The following IKZF3 variants were observed in gnomAD, a reference collection of about 807,000 sequenced individuals.
IKZF3 encodes the protein IKAROS family zinc finger 3.
In IKZF3, 10 loss-of-function variants were observed where a neutral mutation model predicts 49.0. That is an observed-to-expected ratio of 0.20 (90% CI 0.13 to 0.35). The LOEUF (loss-of-function observed/expected upper bound fraction) is 0.35. Ranked by LOEUF, IKZF3 falls within the 10% of genes least tolerant of loss-of-function variation. The pLI is 1.00. For missense variants in IKZF3, 498 were observed against 664.8 expected, an observed-to-expected ratio of 0.75 and a Z score of 2.76; for synonymous variants, 209 against 228.2, an observed-to-expected ratio of 0.92 and a Z score of 0.76.
intron 1 of IKZF3, among the ~76,000 whole-genome samples, chr17:39,852,131 C>T (rs2062894968): frequency 6.6e-6 from 1 of 152,130 alleles, no homozygotes; most frequent in South Asian, 2.1e-4. Context: ...TGGCATTTTT[C>T]TCTCAATAAA....
In IKZF3 at chr17:39,805,229, A is replaced by T. The variant is rs2061407652; in HGVS notation, c.164-12296T>A. 2.0e-5 allele frequency among the ~76,000 whole-genome samples: 3 copies of T among 152,366 alleles called. No individual in the cohort carries two copies. In the South Asian group the frequency reaches 6.2e-4, roughly 32 times the overall value. On this transcript the variant is annotated intron_variant, in intron 3 of 7. Transcript: ENST00000346872. ...CAAACAAGGAAGTAAGGAAGGAAAGAAGATAAGAAGGAGGAAAGGAAAGCG... is the reference window on the plus strand; with the variant it reads ...CAAACAAGGAAGTAAGGAAGGAAAGTAGATAAGAAGGAGGAAAGGAAAGCG...
rs1249798497 is a variant in IKZF3, at chr17:39,784,430, A to G, written c.709+3828T>C. Among the ~76,000 whole-genome samples, 3 of 148,622 alleles carry G rather than the reference A, an allele frequency of 2.0e-5. No homozygotes were observed. The Admixed American group carries it at 2.0e-4, about 10-fold the overall frequency. ...GTGTCTTTTTTTTTTTTTGAGATGG[A>G]GTCTTGCTCTGTTGCCAGGCTAGAG... On this transcript the variant is annotated intron_variant, in intron 6 of 7. Coordinates refer to ENST00000346872, the MANE Select transcript of IKZF3 (RefSeq NM_012481.5).
rs188257915 is a variant in IKZF3 at position 39,779,474 on chromosome 17, A to T, written c.710-1707T>A. Among the ~76,000 whole-genome samples, 53 of 152,226 alleles carry T rather than the reference A, an allele frequency of 3.5e-4. 1 individual carries two copies. Among genetic ancestry groups the T allele is most frequent in the South Asian group, 1.0e-3 (5 of 4,816 alleles). On this transcript the variant is annotated intron_variant, in intron 6 of 7. Transcript: ENST00000346872. ...AAAACTCCATCTCCAAAAAATAAAT[A>T]AATTAATTAAATAAATTTCAAAGAG...
chr17:39,834,837 G>A (rs550718483), intron 1 of IKZF3, among the ~76,000 whole-genome samples: 1 of 152,222 alleles, frequency 6.6e-6, no homozygotes, highest in African/African-American at 2.4e-5. Flanking sequence ...CCATGGGTGG[G>A]CTGAGGGTTA....
intron 2 of IKZF3, among the ~76,000 whole-genome samples, chr17:39,831,350 G>A (rs899001450): frequency 6.6e-6 from 1 of 152,006 alleles, no homozygotes. Context: ...CTTCAGCCTG[G>A]GCAACAAGAG....
At chr17:39,842,160 G>A (rs2062495244) in intron 1 of IKZF3, among the ~76,000 whole-genome samples, 1 of 151,458 alleles carries the variant, frequency 6.6e-6, no homozygotes, top group African/African-American at 2.4e-5. Flanking sequence ...AACTACAATA[G>A]CGTCTAGATA....
chr17:39,856,615 G>A (rs1437898753), intron 1 of IKZF3, among the ~76,000 whole-genome samples: 2 of 152,036 alleles, frequency 1.3e-5, no homozygotes, highest in Non-Finnish European at 2.9e-5. Flanking sequence ...AGATCAGCCT[G>A]GCCAACATGG....
intron 5 of IKZF3, among the ~76,000 whole-genome samples, chr17:39,790,719 C>CT (rs35030093): frequency 0.093 from 14,069 of 151,944 alleles, 1,330 homozygotes; most frequent in African/African-American, 0.25. Flanking sequence ...CAGCACATAA[C>CT]TTTTACAAAT....
At chr17:39,858,251 G>A (rs566350935) in intron 1 of IKZF3, among the ~76,000 whole-genome samples, 9 of 152,008 alleles carry the variant, frequency 5.9e-5, no homozygotes, top group South Asian at 2.1e-4. Flanking sequence ...TTGTGCTCAC[G>A]AGTTCAAGAC....
At chr17:39,777,383 A>C (rs1325147995) in intron 7 of IKZF3, among the ~76,000 whole-genome samples, 1 of 152,250 alleles carries the variant, frequency 6.6e-6, no homozygotes, top group Non-Finnish European at 1.5e-5. Context: ...CAGAGTAAAG[A>C]GGAAGGAACA....
At chr17:39,774,228 C>T (rs1343863030) in intron 7 of IKZF3, among the ~76,000 whole-genome samples, 1 of 152,142 alleles carries the variant, frequency 6.6e-6, no homozygotes, top group East Asian at 1.9e-4. Context: ...GGTCTGAGTG[C>T]TGTGCAACTG....
intron 1 of IKZF3, among the ~76,000 whole-genome samples, chr17:39,863,754 A>G (rs1017587847): frequency 6.6e-6 from 1 of 152,034 alleles, no homozygotes; most frequent in Non-Finnish European, 1.5e-5. Context: ...TCTAATTCCA[A>G]TAAACACTGA....
chr17:39,775,365 C>A (rs988484810), intron 7 of IKZF3, among the ~76,000 whole-genome samples: 1 of 152,116 alleles, frequency 6.6e-6, no homozygotes, highest in Non-Finnish European at 1.5e-5. Flanking sequence ...GCATCTCTCA[C>A]AAGTCTGGAA....
At chr17:39,850,791 CTAATATGCTATATAGTATATATACATATA>C (rs2062837378) in intron 1 of IKZF3, among the ~76,000 whole-genome samples, 7 of 112,638 alleles carry the variant, frequency 6.2e-5, no homozygotes, top group African/African-American at 1.8e-4. Flanking sequence ...ATATACATAT[CTAATATGCTATATAGTATATATACATATA>C]TAATATGCTA....
chr17:39,766,270 C>T lies in IKZF3; in HGVS notation c.1050G>A (p.Glu350=). The change falls in exon 8 of 8, where the codon GAG becomes GAA. Residue 350 remains glutamate (E), a synonymous_variant. Transcript: ENST00000346872. ...GCTCTTGAGGGGCACCGTTTGACAT[C>T]TCAGCCCGGGTGAGGGCTATGGGAT... ...SMYPIALTRA[E]MSNGAPQELE... 6.2e-7 allele frequency: 1 copy of T among 1,614,234 alleles called. No homozygotes were observed. Among genetic ancestry groups the T allele is most frequent in the African/African-American group, 1.3e-5 (1 of 75,054 alleles).
At chr17:39,798,154 C>T (rs889119021) in intron 3 of IKZF3, among the ~76,000 whole-genome samples, 1 of 152,154 alleles carries the variant, frequency 6.6e-6, no homozygotes, top group African/African-American at 2.4e-5. Context: ...CTATGACTTT[C>T]CCACGATCTA....
At chr17:39,857,165 T>C (rs1276470446) in intron 1 of IKZF3, among the ~76,000 whole-genome samples, 1 of 152,184 alleles carries the variant, frequency 6.6e-6, no homozygotes, top group Non-Finnish European at 1.5e-5. Context: ...TGACTAGTTG[T>C]TATATATTAT....
intron 3 of IKZF3, among the ~76,000 whole-genome samples, chr17:39,794,374 C>T (rs1598027989): frequency 6.6e-6 from 1 of 152,202 alleles, no homozygotes; most frequent in Non-Finnish European, 1.5e-5. Flanking sequence ...AAAACTACAT[C>T]CCTTCCAAAA....
At chr17:39,857,904 G>A (rs1313296968) in intron 1 of IKZF3, among the ~76,000 whole-genome samples, 1 of 150,882 alleles carries the variant, frequency 6.6e-6, no homozygotes, top group Non-Finnish European at 1.5e-5. Flanking sequence ...TGGGAGGATC[G>A]CTTGAGCCCA....
Sources: allele counts gnomAD v4.1 joint callset (sites outside exome capture counted in the v4.1 genomes callset), GRCh38; gene constraint gnomAD v4.1.1; transcripts MANE v1.5; gene names NCBI Gene and HGNC (gene_info 2026-07-23, HGNC 2026-07-21).